Variants in KIF13A observed in about 807,000 individuals in gnomAD.
KIF13A encodes kinesin family member 13A.
A neutral mutation model predicts 212.2 loss-of-function variants in KIF13A; 79 were observed. That is an observed-to-expected ratio of 0.37 (90% CI 0.31 to 0.45). The LOEUF (loss-of-function observed/expected upper bound fraction) is 0.45. Among genes scored for constraint, KIF13A ranks in the 20% least tolerant of loss-of-function variants. The pLI, the probability that KIF13A is intolerant of heterozygous loss-of-function variation, is 1.00. For synonymous variants in KIF13A, 789 were observed against 808.6 expected (o/e 0.98, Z 0.41); for missense variants, 1,901 against 2,209.0 (o/e 0.86, Z 2.79).
chr6:17,944,429 G>A (rs543115852), intron 2 of KIF13A, among the ~76,000 whole-genome samples: 88 of 152,266 alleles, frequency 5.8e-4, no homozygotes, highest in African/African-American at 2.0e-3. Flanking sequence ...CTGACCCTGG[G>A]TTATCTAGCT....
At chr6:17,874,998 C>T (rs751937079) in intron 3 of KIF13A, among the ~76,000 whole-genome samples, 1 of 91,332 alleles carries the variant, frequency 1.1e-5, no homozygotes, top group African/African-American at 4.5e-5. Context: ...CACACGCACA[C>T]GCACGCACAC....
intron 2 of KIF13A, among the ~76,000 whole-genome samples, chr6:17,944,768 C>G (rs1777242311): frequency 6.6e-6 from 1 of 152,088 alleles, no homozygotes; most frequent in South Asian, 2.1e-4. Flanking sequence ...TCTATGCTTG[C>G]TTCTCTTCTT....
intron 16 of KIF13A, among the ~76,000 whole-genome samples, chr6:17,818,615 G>C (rs1764159629): frequency 6.6e-6 from 1 of 152,248 alleles, no homozygotes; most frequent in East Asian, 1.9e-4. Context: ...CGCAAGTAGA[G>C]GTTCTATCTG....
chr6:17,889,461 A>G (rs1398059598), intron 3 of KIF13A, among the ~76,000 whole-genome samples: 1 of 152,206 alleles, frequency 6.6e-6, no homozygotes, highest in Non-Finnish European at 1.5e-5. Context: ...ATTATAAGAT[A>G]CTAAACAAAA....
chr6:17,909,279 T>A (rs1275559617), intron 2 of KIF13A, among the ~76,000 whole-genome samples: 2 of 152,208 alleles, frequency 1.3e-5, no homozygotes, highest in African/African-American at 2.4e-5. Context: ...CTTATGCCTG[T>A]AATCCCAGCA....
intron 2 of KIF13A, among the ~76,000 whole-genome samples, chr6:17,942,407 C>G (rs1418548762): frequency 6.6e-6 from 1 of 151,634 alleles, no homozygotes; most frequent in Non-Finnish European, 1.5e-5. Context: ...CAATCTGAAG[C>G]CTGCCTAGGT....
intron 2 of KIF13A, among the ~76,000 whole-genome samples, chr6:17,970,482 A>G (rs1344262024): frequency 6.6e-6 from 1 of 152,114 alleles, no homozygotes. Flanking sequence ...ATGCTGAGAG[A>G]GGAGATCCAA....
At chr6:17,844,211 A>G (rs1052919232) in intron 9 of KIF13A, among the ~76,000 whole-genome samples, 2 of 152,204 alleles carry the variant, frequency 1.3e-5, no homozygotes, top group Non-Finnish European at 2.9e-5. Flanking sequence ...GGACAGTACC[A>G]TCACATGACA....
intron 2 of KIF13A, among the ~76,000 whole-genome samples, chr6:17,902,579 A>AC (rs925792403): frequency 5.3e-5 from 8 of 151,818 alleles, no homozygotes; most frequent in African/African-American, 1.9e-4. Flanking sequence ...ACATGCCTTT[A>AC]CCCCACTTTG....
In KIF13A at chr6:17,779,688, G is replaced by GA; in HGVS notation, c.3847-5_3847-4insT. The GA allele has an allele frequency of 8.8e-7, 1 of 1,138,972 alleles. No homozygotes were observed. Among genetic ancestry groups the GA allele is most frequent in the Admixed American group, 2.2e-5 (1 of 45,822 alleles). 70.6% of individuals were successfully genotyped at this position (1,138,972 alleles called of 1,614,324 possible). Reference sequence around the variant, plus strand: ...TCTTCAAACTCTGCGTGAAACTCTAGTAGAAAAAAAAAAAAGCTGTATTAA... The same window carrying GA: ...TCTTCAAACTCTGCGTGAAACTCTAGATAGAAAAAAAAAAAAGCTGTATTAA... On this transcript the variant is annotated splice_region_variant and splice_polypyrimidine_tract_variant and intron_variant, in intron 31 of 38. Transcript: ENST00000259711.
chr6:17,933,511 T>C (rs756258454), intron 2 of KIF13A, among the ~76,000 whole-genome samples: 48 of 151,196 alleles, frequency 3.2e-4, no homozygotes, highest in African/African-American at 1.0e-3. Context: ...CCCAAAGTGC[T>C]GGGATTATAG....
chr6:17,824,740 G>A (rs540315531), intron 16 of KIF13A, among the ~76,000 whole-genome samples: 59 of 130,624 alleles, frequency 4.5e-4, no homozygotes, highest in African/African-American at 1.6e-3. Flanking sequence ...CAGCCTGGGC[G>A]ACAGAGAGAG....
rs1044654 is a variant in KIF13A at position 17,764,048 on chromosome 6, A to C, written c.*62T>G. On this transcript the variant is annotated 3_prime_UTR_variant, in exon 39 of 39. Coordinates refer to ENST00000259711, the MANE Select transcript of KIF13A (RefSeq NM_022113.6). The surrounding 1 kb of genome is among the most constrained non-coding windows in gnomAD (Gnocchi z 5.1). The stretch of plus-strand genomic sequence containing the variant: ...CTTTGCTGTCACAAACAACTGGATG[A>C]ATCTTTCCTACCAAGTTGTTGCGGT... 0.22 allele frequency: 338,798 copies of C among 1,546,536 alleles called. 38,929 individuals carry two copies. Among genetic ancestry groups the C allele is most frequent in the Admixed American group, 0.33 (16,675 of 51,276 alleles).
chr6:17,893,672 A>G (rs939307936), intron 3 of KIF13A, among the ~76,000 whole-genome samples: 2 of 152,172 alleles, frequency 1.3e-5, no homozygotes, highest in Non-Finnish European at 2.9e-5. Flanking sequence ...TTTTAGGCAG[A>G]AAGTATTCAG....
intron 2 of KIF13A, among the ~76,000 whole-genome samples, chr6:17,902,238 G>A (rs1773115604): frequency 6.6e-6 from 1 of 152,144 alleles, no homozygotes; most frequent in African/African-American, 2.4e-5. Flanking sequence ...GCCTAAAGGT[G>A]TGTTTATTTC....
chr6:17,857,018 C>A (rs570600144), intron 4 of KIF13A, among the ~76,000 whole-genome samples: 36 of 152,106 alleles, frequency 2.4e-4, no homozygotes, highest in Non-Finnish European at 4.1e-4. Flanking sequence ...GAGCCTAGTA[C>A]AAAATGCTTA....
rs369434207 is a variant in KIF13A, at chr6:17,871,533, T to TG, written c.220+1843dup. On this transcript the variant is annotated intron_variant, in intron 4 of 38. Coordinates refer to ENST00000259711, the MANE Select transcript of KIF13A (RefSeq NM_022113.6). The surrounding 1 kb of genome is among the most constrained non-coding windows in gnomAD (Gnocchi z 4.4). The stretch of plus-strand genomic sequence containing the variant: ...CATGGGCTGCACACACACAGTGGGT[T>TG]GGGGGGGGAGTCATGAATACTTAAA... 5.5e-4 allele frequency among the ~76,000 whole-genome samples: 83 copies of TG among 151,978 alleles called. No individual in the cohort carries two copies. The East Asian group carries it at 7.0e-3, about 13-fold the overall frequency.
intron 2 of KIF13A, among the ~76,000 whole-genome samples, chr6:17,979,433 G>T (rs1780864604): frequency 6.6e-6 from 1 of 152,130 alleles, no homozygotes; most frequent in Admixed American, 6.5e-5. Context: ...TTTATTGTTG[G>T]AAGTTCAATA....
In KIF13A at chr6:17,971,290, A is replaced by C. The variant is rs1779782944; in HGVS notation, c.146+15764T>G. Among the ~76,000 whole-genome samples the C allele has an allele frequency of 6.6e-6, 1 of 152,216 alleles. No individual in the cohort carries two copies. The highest frequency in any genetic ancestry group is 2.4e-5 in the African/African-American group (1 of 41,462). On this transcript the variant is annotated intron_variant, in intron 2 of 38. Transcript: ENST00000259711. The surrounding 1 kb of genome is among the most constrained non-coding windows in gnomAD (Gnocchi z 4.2). ...TTTCCATCAATTTCCAGGAAAAGAGATAATTAATGTGATCACTTCACAAAA... is the reference window on the plus strand; with the variant it reads ...TTTCCATCAATTTCCAGGAAAAGAGCTAATTAATGTGATCACTTCACAAAA...
Sources: allele counts gnomAD v4.1 joint callset (sites outside exome capture counted in the v4.1 genomes callset), GRCh38; gene constraint gnomAD v4.1.1; non-coding constraint Gnocchi (gnomAD v3.1); transcripts MANE v1.5; gene names NCBI Gene and HGNC (gene_info 2026-07-23, HGNC 2026-07-21).